The following SLC8A1 variants were observed in gnomAD, a reference collection of about 807,000 sequenced individuals.
SLC8A1 encodes solute carrier family 8 member A1.
In SLC8A1, 18 loss-of-function variants were observed where a neutral mutation model predicts 68.3. That is an observed-to-expected ratio of 0.26 (90% CI 0.18 to 0.39). SLC8A1 has a LOEUF of 0.39. SLC8A1 is among the 10% of genes least tolerant of loss of function. SLC8A1 has a pLI of 1.00. For missense variants in SLC8A1, 985 were observed against 1,156.7 expected (o/e 0.85, Z 2.15); for synonymous variants, 475 against 415.5 (o/e 1.14, Z -1.74).
chr2:40,407,693 C>T (rs1690805125), intron 2 of SLC8A1, among the ~76,000 whole-genome samples: 1 of 152,170 alleles, frequency 6.6e-6, no homozygotes, highest in South Asian at 2.1e-4. Context: ...TCCAAAAAGA[C>T]ATCCTCTATC....
At chr2:40,105,818 G>A (rs1022311710) in exon 8 of SLC8A1, 1 of 152,328 alleles carries the variant, frequency 6.6e-6, no homozygotes, top group African/African-American at 2.4e-5. Context: ...TGAGGTTGTG[G>A]TATGGCCCCA....
intron 2 of SLC8A1, among the ~76,000 whole-genome samples, chr2:40,193,772 G>C (rs951629921): frequency 6.6e-6 from 1 of 152,098 alleles, no homozygotes; most frequent in Non-Finnish European, 1.5e-5. Flanking sequence ...GGGCAGGGAA[G>C]CAGATGTGGA....
Position 40,401,210 on chromosome 2 carries a change from G to C in SLC8A1, c.1808+27263C>G, listed in dbSNP as rs542825753. ...CTCTGTGGCATGCCTGCACTTTGCAGTGTTATCTTCCAAACACCATCTACT... is the reference window on the plus strand; with the variant it reads ...CTCTGTGGCATGCCTGCACTTTGCACTGTTATCTTCCAAACACCATCTACT... On this transcript the variant is annotated intron_variant, in intron 2 of 7. Transcript: ENST00000406785. Among the ~76,000 whole-genome samples the C allele has an allele frequency of 7.2e-5, 11 of 152,288 alleles. No homozygotes were observed. In the East Asian group the frequency reaches 1.9e-3, roughly 27 times the overall value.
chr2:40,428,132 T>C (rs879526336), intron 2 of SLC8A1, among the ~76,000 whole-genome samples: 1 of 152,156 alleles, frequency 6.6e-6, no homozygotes, highest in East Asian at 1.9e-4. Context: ...TACCATGTGA[T>C]TCAAAATAGA....
At chr2:40,291,594 A>T (rs1292773311) in intron 2 of SLC8A1, among the ~76,000 whole-genome samples, 1 of 152,024 alleles carries the variant, frequency 6.6e-6, no homozygotes, top group East Asian at 1.9e-4. Context: ...AAATGGCATA[A>T]TTTGAATGTG....
intron 2 of SLC8A1, among the ~76,000 whole-genome samples, chr2:40,374,756 A>C (rs1679256649): frequency 6.6e-6 from 1 of 152,122 alleles, no homozygotes; most frequent in South Asian, 2.1e-4. Flanking sequence ...CAGCCTCTAA[A>C]AGATTATTCT....
chr2:40,349,869 T>A (rs922262329), intron 2 of SLC8A1, among the ~76,000 whole-genome samples: 3 of 152,198 alleles, frequency 2.0e-5, no homozygotes, highest in Non-Finnish European at 1.5e-5. Flanking sequence ...AAAAGAAATA[T>A]GGTATTTATC....
chr2:40,284,647 T>C (rs1217782446), intron 2 of SLC8A1, among the ~76,000 whole-genome samples: 1 of 122,914 alleles, frequency 8.1e-6, no homozygotes, highest in Non-Finnish European at 1.5e-5. Flanking sequence ...AAAACATATA[T>C]AAATATAAAT....
At chr2:40,133,850 C>G (rs932411271) in intron 7 of SLC8A1, among the ~76,000 whole-genome samples, 1 of 152,070 alleles carries the variant, frequency 6.6e-6, no homozygotes, top group Non-Finnish European at 1.5e-5. Flanking sequence ...AATGTCCTGG[C>G]CCAATATACC....
At chr2:40,251,189 T>C (rs1034562232) in intron 2 of SLC8A1, 4 of 151,854 alleles carry the variant, frequency 2.6e-5, no homozygotes, top group Non-Finnish European at 4.4e-5. Flanking sequence ...AAAAAATCAA[T>C]AGAAATAATT....
At chr2:40,400,243 G>C (rs992819031) in intron 2 of SLC8A1, among the ~76,000 whole-genome samples, 24 of 152,218 alleles carry the variant, frequency 1.6e-4, no homozygotes, top group African/African-American at 5.8e-4. Flanking sequence ...GAGGAGTTTT[G>C]TCTGCGGCTT....
intron 2 of SLC8A1, among the ~76,000 whole-genome samples, chr2:40,260,927 C>T (rs2064613093): frequency 1.3e-5 from 2 of 151,916 alleles, no homozygotes; most frequent in East Asian, 1.9e-4. Flanking sequence ...TTATTTCCAT[C>T]CACAAATTAA....
chr2:40,459,283 G>C (rs187661596), intron 1 of SLC8A1, among the ~76,000 whole-genome samples: 1 of 152,208 alleles, frequency 6.6e-6, no homozygotes, highest in Admixed American at 6.5e-5. Flanking sequence ...GGTCAGTTCT[G>C]CAGAGACTTG....
chr2:40,100,409 C>G lies in SLC8A1; in HGVS notation c.*14844G>C, dbSNP rs1300836059. On this transcript the variant is annotated 3_prime_UTR_variant, in exon 8 of 8. Transcript: ENST00000406785. ...GAAAGAGAAAACAAGAAATCAACCA[C>G]TATGGACGGCAAAAGTTGGGAATGA... 2.0e-5 allele frequency: 3 copies of G among 152,074 alleles called. No individual in the cohort carries two copies. The East Asian group carries it at 5.8e-4, about 29-fold the overall frequency. The allele number at this position is 152,074 out of a possible 1,614,324, so 9.4% of individuals were successfully genotyped here.
chr2:40,287,691 T>C (rs780529474), intron 2 of SLC8A1, among the ~76,000 whole-genome samples: 8 of 147,444 alleles, frequency 5.4e-5, no homozygotes, highest in Non-Finnish European at 1.2e-4. Context: ...AAGGCTGGAG[T>C]GAGGAACAGG....
chr2:40,343,849 T>G (rs1027746810), intron 2 of SLC8A1, among the ~76,000 whole-genome samples: 2 of 152,236 alleles, frequency 1.3e-5, no homozygotes, highest in African/African-American at 2.4e-5. Context: ...CTTCTGCTAA[T>G]GATTGGATGA....
chr2:40,177,745 C>G, intron 3 of SLC8A1: 1 of 1,524,272 alleles, frequency 6.6e-7, no homozygotes, highest in Non-Finnish European at 8.9e-7. Flanking sequence ...TTTGTTTACT[C>G]TCACACCTTT....
chr2:40,389,985 G>A (rs1406261925), intron 2 of SLC8A1, among the ~76,000 whole-genome samples: 10 of 151,550 alleles, frequency 6.6e-5, no homozygotes, highest in Admixed American at 6.6e-4. Flanking sequence ...CAACTAACAT[G>A]TTATAAACAT....
intron 2 of SLC8A1, among the ~76,000 whole-genome samples, chr2:40,418,436 C>G (rs1424622450): frequency 3.3e-5 from 5 of 152,132 alleles, no homozygotes; most frequent in Admixed American, 2.0e-4. Context: ...GATCTTTTGT[C>G]TTTTCTCAGT....
Sources: gnomAD v4.1 joint callset for allele counts (sites outside exome capture counted in the v4.1 genomes callset) on GRCh38, gnomAD v4.1.1 for gene constraint, MANE v1.5 for transcripts, NCBI Gene and HGNC (gene_info 2026-07-23, HGNC 2026-07-21) for gene names.